The following AGR3 variants were observed in gnomAD, a reference collection of about 807,000 sequenced individuals.
AGR3 encodes the protein anterior gradient protein 3.
Under a neutral mutation model 24.5 loss-of-function variants are expected in AGR3, and 37 were observed. The observed-to-expected ratio is 1.51, with a 90% confidence interval of 1.16 to 1.99. The LOEUF (loss-of-function observed/expected upper bound fraction) is 1.99. Among genes scored for constraint, AGR3 ranks in the 30% most tolerant of loss-of-function variants. The pLI is 0.00. For synonymous variants in AGR3, 75 were observed against 61.6 expected, an observed-to-expected ratio of 1.22 and a Z score of -1.02; for missense variants, 228 against 191.1, an observed-to-expected ratio of 1.19 and a Z score of -1.14.
At chr7:16,855,340 C>G (rs996972808), downstream of AGR3, among the ~76,000 whole-genome samples, 5 of 152,012 alleles carry the variant, frequency 3.3e-5, no homozygotes, top group Non-Finnish European at 7.4e-5. Context: ...TTACTGTATC[C>G]TATCCTGGAA....
intron 3 of AGR3, among the ~76,000 whole-genome samples, chr7:16,862,888 C>T (rs1455764781): frequency 6.6e-6 from 1 of 152,136 alleles, no homozygotes; most frequent in Non-Finnish European, 1.5e-5. Context: ...TTCAAAGGCT[C>T]CGTTCCCAAA....
intron 3 of AGR3, chr7:16,865,154 T>C (rs937747437): frequency 6.8e-6 from 5 of 739,922 alleles, no homozygotes; most frequent in Admixed American, 2.1e-5. Flanking sequence ...CACCAGTAGC[T>C]TGGACCTCTT....
intron 5 of AGR3, 111 bp downstream of exon 5, chr7:16,861,873 C>A: frequency 1.0e-6 from 1 of 986,106 alleles, no homozygotes; most frequent in Non-Finnish European, 1.5e-6. Flanking sequence ...TGCACTCCAG[C>A]CTGGGTGACA....
At chr7:16,860,437 G>T in intron 7 of AGR3, 63 bp downstream of exon 7, 2 of 1,218,850 alleles carry the variant, frequency 1.6e-6, no homozygotes, top group Non-Finnish European at 2.4e-6. Flanking sequence ...GGCTTCACTA[G>T]CCCTTAACAA....
In AGR3 at chr7:16,880,340, T is replaced by C. The variant is rs373724681; in HGVS notation, c.-28+1604A>G. The stretch of plus-strand genomic sequence containing the variant: ...CATGCCCGGCTAATTTTTGTATTTT[T>C]AGTAGAGATGGGGTTTCACCATGTT... On this transcript the variant is annotated intron_variant, in intron 1 of 7. Transcript: ENST00000310398. Among the ~76,000 whole-genome samples the C allele has an allele frequency of 9.2e-5, 14 of 152,030 alleles. No individual in the cohort carries two copies. In the South Asian group the frequency reaches 2.5e-3, roughly 27 times the overall value.
chr7:16,864,769 C>T, intron 3 of AGR3: 1 of 1,121,034 alleles, frequency 8.9e-7, no homozygotes, highest in Non-Finnish European at 1.4e-6. Flanking sequence ...TTCTCCTTGG[C>T]AATGAGCATA....
chr7:16,866,653 G>A (rs935604603), intron 3 of AGR3, among the ~76,000 whole-genome samples: 6 of 152,092 alleles, frequency 3.9e-5, no homozygotes, highest in African/African-American at 9.7e-5. Context: ...TCCAACAGGT[G>A]AAAAGAGGGA....
At chr7:16,870,012 A>G (rs1054017745) in intron 3 of AGR3, among the ~76,000 whole-genome samples, 2 of 151,964 alleles carry the variant, frequency 1.3e-5, no homozygotes, top group South Asian at 2.1e-4. Context: ...AAGTTTTTTA[A>G]GTATAGAGAG....
intron 3 of AGR3, among the ~76,000 whole-genome samples, chr7:16,869,160 G>T (rs1201439190): frequency 6.6e-6 from 1 of 152,076 alleles, no homozygotes; most frequent in Non-Finnish European, 1.5e-5. Context: ...TACTATTATT[G>T]TGTTGTAATC....
At position 16,861,453 on chromosome 7, in the gene AGR3, A is replaced by G. The variant is rs181162420; in HGVS notation, c.304-6T>C. On this transcript the variant is annotated splice_region_variant and splice_polypyrimidine_tract_variant and intron_variant, in intron 5 of 7. Transcript: ENST00000310398. ...TTCTTATCAGTGGTTTCATGCTAGC[A>G]GGAGAAGAAAAAAAAAGAATGTTAT... 6.9e-6 allele frequency: 11 copies of G among 1,604,470 alleles called. No homozygotes were observed. The East Asian group carries it at 2.5e-4, about 36-fold the overall frequency.
chr7:16,875,883 C>A (rs1457612532), intron 2 of AGR3, among the ~76,000 whole-genome samples: 4 of 152,200 alleles, frequency 2.6e-5, no homozygotes, highest in Non-Finnish European at 5.9e-5. Flanking sequence ...CATGCAATAT[C>A]TATACATCAC....
At chr7:16,862,368 T>C (rs1197076787) in intron 4 of AGR3, among the ~76,000 whole-genome samples, 2 of 152,180 alleles carry the variant, frequency 1.3e-5, no homozygotes, top group Non-Finnish European at 2.9e-5. Flanking sequence ...CTCACCCCTT[T>C]CTTTTCATGG....
chr7:16,865,705 T>C, intron 3 of AGR3: 1 of 776,458 alleles, frequency 1.3e-6, no homozygotes, highest in Non-Finnish European at 2.4e-6. Flanking sequence ...TTGTTGCTCT[T>C]AGTAGAAACT....
intron 3 of AGR3, chr7:16,864,763 C>G: frequency 1.7e-6 from 2 of 1,181,302 alleles, no homozygotes; most frequent in Non-Finnish European, 2.5e-6. Flanking sequence ...TGATCCTTCT[C>G]CTTGGCAATG....
At position 16,859,642 on chromosome 7, in the gene AGR3, A is replaced by C. The variant is rs758581921; in HGVS notation, c.452-11T>G. 33 of 1,454,552 alleles carry C rather than the reference A, an allele frequency of 2.3e-5. No homozygotes were observed. The Middle Eastern group carries it at 9.1e-4, about 40-fold the overall frequency. The allele number at this position is 1,454,552 out of a possible 1,614,324, so 90.1% of individuals were successfully genotyped here. ...TCATGTTTTCTATCACTGAAATAAGAGTTAATATATATTATGCTATTAATA... is the reference window on the plus strand; with the variant it reads ...TCATGTTTTCTATCACTGAAATAAGCGTTAATATATATTATGCTATTAATA... On this transcript the variant is annotated splice_polypyrimidine_tract_variant and intron_variant, in intron 7 of 7. Transcript: ENST00000310398.
At chr7:16,868,470 A>G (rs112761628) in intron 3 of AGR3, among the ~76,000 whole-genome samples, 4 of 152,230 alleles carry the variant, frequency 2.6e-5, no homozygotes, top group African/African-American at 9.6e-5. Context: ...GTCTTCTTTT[A>G]AGAAATGTCT....
chr7:16,875,682 G>A (rs117562695), intron 2 of AGR3, among the ~76,000 whole-genome samples: 4,134 of 152,066 alleles, frequency 0.027, 84 homozygotes, highest in Non-Finnish European at 0.042. Context: ...AGGAGCTGCC[G>A]GGTTATTTTC....
chr7:16,863,160 G>C (rs1345792094), intron 3 of AGR3, among the ~76,000 whole-genome samples: 1 of 152,214 alleles, frequency 6.6e-6, no homozygotes, highest in Non-Finnish European at 1.5e-5. Flanking sequence ...GGAATCTGTA[G>C]CTTAACAAAC....
intron 3 of AGR3, among the ~76,000 whole-genome samples, chr7:16,869,684 T>G (rs76838818): frequency 0.012 from 1,798 of 151,490 alleles, 41 homozygotes; most frequent in African/African-American, 0.036. Flanking sequence ...TTTTTTTTTT[T>G]TTTTTTTTTT....
Sources: allele counts gnomAD v4.1 joint callset (sites outside exome capture counted in the v4.1 genomes callset), GRCh38; gene constraint gnomAD v4.1.1; transcripts MANE v1.5; gene names NCBI Gene and HGNC (gene_info 2026-07-23, HGNC 2026-07-21).